Variants in NPAS3 observed in about 807,000 individuals in gnomAD.
The protein encoded by NPAS3 is neuronal PAS domain-containing protein 3.
Under a neutral mutation model 73.1 loss-of-function variants are expected in NPAS3, and 14 were observed. The ratio of observed to expected loss-of-function variants is 0.19; its 90% CI spans 0.13 to 0.30. The LOEUF (loss-of-function observed/expected upper bound fraction) is 0.30. Among genes scored for constraint, NPAS3 ranks in the 10% least tolerant of loss-of-function variants. The pLI, the probability that NPAS3 is intolerant of heterozygous loss-of-function variation, is 1.00. For missense variants in NPAS3, 1,096 were observed against 1,250.0 expected, an observed-to-expected ratio of 0.88 and a Z score of 1.86; for synonymous variants, 620 against 541.5, an observed-to-expected ratio of 1.14 and a Z score of -2.01.
At chr14:33,537,942 T>A (rs1415654900) in intron 4 of NPAS3, among the ~76,000 whole-genome samples, 1 of 152,198 alleles carries the variant, frequency 6.6e-6, no homozygotes, top group Non-Finnish European at 1.5e-5. Flanking sequence ...TCACCTTGCC[T>A]CAGCCAGGTG....
chr14:33,652,595 G>A (rs2059026877), intron 5 of NPAS3, among the ~76,000 whole-genome samples: 1 of 152,316 alleles, frequency 6.6e-6, no homozygotes, highest in South Asian at 2.1e-4. Context: ...TACAGGAGTC[G>A]TTAAAAGTAG....
At chr14:33,661,791 C>A (rs906705574) in intron 5 of NPAS3, among the ~76,000 whole-genome samples, 1 of 152,054 alleles carries the variant, frequency 6.6e-6, no homozygotes, top group Non-Finnish European at 1.5e-5. Flanking sequence ...TTAAACCATT[C>A]ATTGAAATTC....
At chr14:33,235,297 G>A (rs79782235) in intron 3 of NPAS3, among the ~76,000 whole-genome samples, 3,442 of 152,072 alleles carry the variant, frequency 0.023, 135 homozygotes, top group African/African-American at 0.079. Flanking sequence ...TTAATTAAGC[G>A]ATAGTATAAA....
At chr14:33,774,038 A>C (rs140757757) in intron 7 of NPAS3, among the ~76,000 whole-genome samples, 1 of 152,276 alleles carries the variant, frequency 6.6e-6, no homozygotes, top group East Asian at 1.9e-4. Flanking sequence ...TCAGTGCTCA[A>C]CTTATTGGTC....
At chr14:33,173,898 G>T (rs1391749597) in intron 2 of NPAS3, among the ~76,000 whole-genome samples, 1 of 152,132 alleles carries the variant, frequency 6.6e-6, no homozygotes, top group Non-Finnish European at 1.5e-5. Context: ...GATTGTCAGA[G>T]AATTACAAAC....
chr14:33,478,030 T>C (rs1333200740), intron 4 of NPAS3, among the ~76,000 whole-genome samples: 2 of 152,134 alleles, frequency 1.3e-5, no homozygotes, highest in Admixed American at 6.5e-5. Flanking sequence ...GCCCTAGTGA[T>C]TGATCTGTGT....
chr14:33,329,007 T>C (rs993703566), intron 3 of NPAS3, among the ~76,000 whole-genome samples: 2 of 152,158 alleles, frequency 1.3e-5, no homozygotes, highest in Admixed American at 6.5e-5. Flanking sequence ...TGTAAGGACT[T>C]TTTTCTCTAT....
At chr14:33,271,730 T>C (rs2041093487) in intron 3 of NPAS3, among the ~76,000 whole-genome samples, 4 of 152,160 alleles carry the variant, frequency 2.6e-5, no homozygotes, top group Admixed American at 2.6e-4. Flanking sequence ...TTAGCATAAT[T>C]AAATTAGCAC....
chr14:33,720,368 G>A (rs1269756863), intron 6 of NPAS3, among the ~76,000 whole-genome samples: 1 of 152,150 alleles, frequency 6.6e-6, no homozygotes, highest in Non-Finnish European at 1.5e-5. Flanking sequence ...TGCTCATTAA[G>A]GGAAGGTTTG....
rs544886320 is a variant in NPAS3, at chr14:33,365,722, C to T, written c.386-1464C>T. 5.3e-4 allele frequency among the ~76,000 whole-genome samples: 80 copies of T among 152,298 alleles called. 1 individual carries two copies. Among genetic ancestry groups the T allele is most frequent in the African/African-American group, 1.7e-3 (72 of 41,564 alleles). On this transcript the variant is annotated intron_variant, in intron 3 of 11. Coordinates refer to ENST00000356141, the Ensembl canonical transcript of NPAS3. ...TAACACACACGCATTTTCACAGTGC[C>T]TTGCAGACATTGCAGATACAAACTC...
rs184661938 is a variant in NPAS3, at chr14:33,450,193, T to C, written c.468+82925T>C. On this transcript the variant is annotated intron_variant, in intron 4 of 11. Coordinates refer to ENST00000356141, the Ensembl canonical transcript of NPAS3. ...GCTGCTCTTCTGGGACACTTTTCTT[T>C]ATGCAACATATACATTGTTGTTGCT... is the stretch of plus-strand genomic sequence containing the variant. Among the ~76,000 whole-genome samples the C allele has an allele frequency of 1.3e-3, 192 of 152,352 alleles. 1 individual carries two copies. Among genetic ancestry groups the C allele is most frequent in the African/African-American group, 4.6e-3 (190 of 41,582 alleles).
chr14:33,200,429 C>T (rs552744647), intron 2 of NPAS3, among the ~76,000 whole-genome samples: 1 of 152,104 alleles, frequency 6.6e-6, no homozygotes, highest in South Asian at 2.1e-4. Context: ...CTTCTAAGTT[C>T]AGTTTCTTCA....
chr14:33,417,562 T>C (rs1214164712), intron 4 of NPAS3, among the ~76,000 whole-genome samples: 2 of 152,072 alleles, frequency 1.3e-5, no homozygotes, highest in Non-Finnish European at 2.9e-5. Context: ...TGGATTCATA[T>C]TGAATCTTTT....
chr14:33,560,377 G>C (rs1316633699), intron 5 of NPAS3, 167 bp downstream of exon 5: 2 of 476,170 alleles, frequency 4.2e-6, no homozygotes, highest in Non-Finnish European at 7.6e-6. Flanking sequence ...GTGTGTCAGT[G>C]TTGAACATTC....
intron 4 of NPAS3, among the ~76,000 whole-genome samples, chr14:33,476,045 A>G (rs11850646): frequency 0.091 from 13,910 of 152,228 alleles, 1,236 homozygotes; most frequent in African/African-American, 0.23. Flanking sequence ...CGTGCCTTAC[A>G]GACTCCCTAA....
chr14:33,222,084 T>C (rs1262570936), intron 3 of NPAS3, among the ~76,000 whole-genome samples: 1 of 152,140 alleles, frequency 6.6e-6, no homozygotes, highest in Non-Finnish European at 1.5e-5. Context: ...GTAATGATAA[T>C]AACTTGAGGG....
At chr14:33,696,429 T>A (rs1251945655) in intron 6 of NPAS3, among the ~76,000 whole-genome samples, 1 of 152,188 alleles carries the variant, frequency 6.6e-6, no homozygotes, top group Non-Finnish European at 1.5e-5. Flanking sequence ...TATTGGGCCA[T>A]CGAAAGACAT....
rs200051236 is a variant in NPAS3, at chr14:32,987,656, GGACA to G, written c.50+48292_50+48295del. On this transcript the variant is annotated intron_variant, in intron 1 of 11. Transcript: ENST00000356141. The stretch of plus-strand genomic sequence containing the variant: ...ATAATTGATGACAGTAACAACAATT[GGACA>G]GCATACAATTATATATTCTATAAAA... Among the ~76,000 whole-genome samples the G allele has an allele frequency of 6.6e-4, 101 of 151,958 alleles. 2 individuals are homozygous for G. In the East Asian group the frequency reaches 0.017, roughly 25 times the overall value.
intron 5 of NPAS3, among the ~76,000 whole-genome samples, chr14:33,651,904 A>G (rs56161910): frequency 0.022 from 3,366 of 152,248 alleles, 61 homozygotes; most frequent in Non-Finnish European, 0.037. Context: ...TAATAACATT[A>G]ACAACATGTT....
Sources: allele counts gnomAD v4.1 joint callset (sites outside exome capture counted in the v4.1 genomes callset), GRCh38; gene constraint gnomAD v4.1.1; transcripts MANE v1.5; gene names NCBI Gene and HGNC (gene_info 2026-07-23, HGNC 2026-07-21).